Variants in DHRSX observed in about 807,000 individuals in gnomAD.
DHRSX encodes polyprenol dehydrogenase.
Under a neutral mutation model 34.0 loss-of-function variants are expected in DHRSX, and 31 were observed. That is an observed-to-expected ratio of 0.91 (90% CI 0.69 to 1.23). The LOEUF (loss-of-function observed/expected upper bound fraction) is 1.23. DHRSX is among the 50% of genes most tolerant of loss of function. DHRSX has a pLI of 0.00. For missense variants in DHRSX, 414 were observed against 428.1 expected, an observed-to-expected ratio of 0.97 and a Z score of 0.29; for synonymous variants, 201 against 183.8, an observed-to-expected ratio of 1.09 and a Z score of -0.76.
At chrX:2,473,275 C>G (rs149726493) in intron 1 of DHRSX, among the ~76,000 whole-genome samples, 30,914 of 151,492 alleles carry the variant, frequency 0.2, 4,226 homozygotes, top group African/African-American at 0.39. Flanking sequence ...GTGGATGACT[C>G]ATTTGTCACA....
At position 2,358,950 on chromosome X, in the gene DHRSX, G is replaced by GAA. The variant is rs57856874; in HGVS notation, c.286+49793_286+49794dup. On this transcript the variant is annotated intron_variant, in intron 3 of 6. Transcript: ENST00000334651. ...GGCGACAGAGTGAGACTCTGTCTCGGAAAAAAAAAAAAAAAAGACATACAT... is the reference window on the plus strand; with the variant it reads ...GGCGACAGAGTGAGACTCTGTCTCGGAAAAAAAAAAAAAAAAAAGACATACAT... 5.1e-3 allele frequency among the ~76,000 whole-genome samples: 639 copies of GAA among 124,516 alleles called. 9 individuals carry two copies. The highest frequency in any genetic ancestry group is 0.016 in the African/African-American group (547 of 33,474). 81.7% of individuals were successfully genotyped at this position (124,516 alleles called of 152,430 possible). A position where few individuals can be genotyped will look rare whatever the true frequency, so the allele number is the denominator to read the frequency against.
intron 1 of DHRSX, among the ~76,000 whole-genome samples, chrX:2,464,850 C>G (rs1200348202): frequency 6.6e-6 from 1 of 151,934 alleles, no homozygotes; most frequent in Non-Finnish European, 1.5e-5. Context: ...CCACCATGTA[C>G]ACACTGAAGA....
At chrX:2,326,761 C>T (rs2042391205) in intron 3 of DHRSX, among the ~76,000 whole-genome samples, 1 of 151,800 alleles carries the variant, frequency 6.6e-6, no homozygotes, top group East Asian at 1.9e-4. Flanking sequence ...ATTACTTTAG[C>T]GCAGTCAAAG....
chrX:2,269,721 G>T, intron 4 of DHRSX, among the ~76,000 whole-genome samples: 1 of 152,086 alleles, frequency 6.6e-6, no homozygotes, highest in East Asian at 1.9e-4. Context: ...TGTATTTTCA[G>T]TAGAGACGGG....
intron 4 of DHRSX, among the ~76,000 whole-genome samples, chrX:2,276,439 T>A (rs2040048188): frequency 2.0e-5 from 3 of 152,130 alleles, no homozygotes. Flanking sequence ...AAATACAGAA[T>A]AAAACTATCG....
intron 3 of DHRSX, among the ~76,000 whole-genome samples, chrX:2,333,282 T>C (rs1336144451): frequency 6.6e-6 from 1 of 152,244 alleles, no homozygotes; most frequent in Non-Finnish European, 1.5e-5. Context: ...GTGGTGCAGC[T>C]GTACAAACAT....
At chrX:2,425,079 G>T (rs2043825310) in intron 2 of DHRSX, 118 bp downstream of exon 2, 1 of 741,420 alleles carries the variant, frequency 1.3e-6, no homozygotes, top group Non-Finnish European at 2.3e-6. Context: ...GGTGGAGGCT[G>T]CAGTGAGCCA....
chrX:2,368,242 CAAA>C (rs761239560), intron 3 of DHRSX, among the ~76,000 whole-genome samples: 3 of 118,316 alleles, frequency 2.5e-5, no homozygotes, highest in Admixed American at 1.7e-4. Context: ...GACTCTGTCT[CAAA>C]AAAAAAAAAA....
chrX:2,230,716 G>A (rs1250712880), intron 6 of DHRSX, among the ~76,000 whole-genome samples: 1 of 152,178 alleles, frequency 6.6e-6, no homozygotes, highest in Non-Finnish European at 1.5e-5. Flanking sequence ...ACTCCAGACT[G>A]TGACAGGGCA....
chrX:2,223,556 A>G (rs750225046), intron 6 of DHRSX, among the ~76,000 whole-genome samples: 1 of 152,230 alleles, frequency 6.6e-6, no homozygotes, highest in East Asian at 1.9e-4. Flanking sequence ...TGCCCTGGGC[A>G]TCTAAAGACC....
rs1426140810 is a variant in DHRSX, at chrX:2,233,585, TG to T, written c.804+9437del. On this transcript the variant is annotated intron_variant, in intron 6 of 6. Coordinates refer to ENST00000334651, the MANE Select transcript of DHRSX (RefSeq NM_145177.3). ...CAAGCCACTCTTGAGTCCTGGAGAG[TG>T]TTGGAGCTGCAAGCTACAGAAACCA... 4.0e-5 allele frequency among the ~76,000 whole-genome samples: 6 copies of T among 151,584 alleles called. No individual in the cohort carries two copies. The South Asian group carries it at 6.2e-4, about 16-fold the overall frequency.
rs192039554 is a variant in DHRSX at position 2,322,762 on chromosome X, T to C, written c.287-31159A>G. On this transcript the variant is annotated intron_variant, in intron 3 of 6. Coordinates refer to ENST00000334651, the MANE Select transcript of DHRSX (RefSeq NM_145177.3). Reference sequence around the variant, plus strand: ...CAATACATAAAACATACAAAATATATGTTAATCGACTTTATGGTATTGATA... The same window carrying C: ...CAATACATAAAACATACAAAATATACGTTAATCGACTTTATGGTATTGATA... Among the ~76,000 whole-genome samples, 34 of 151,860 alleles carry C rather than the reference T, an allele frequency of 2.2e-4. No homozygotes were observed. In the East Asian group the frequency reaches 4.3e-3, roughly 19 times the overall value.
chrX:2,398,655 G>A (rs11507868), intron 3 of DHRSX, among the ~76,000 whole-genome samples: 4 of 147,062 alleles, frequency 2.7e-5, no homozygotes, highest in Admixed American at 1.4e-4. Flanking sequence ...GCAAAGAAAC[G>A]TTAAATGCAT....
At position 2,500,854 on chromosome X, in the gene DHRSX, C is replaced by G; in HGVS notation, c.72G>C (p.Gln24His). 1 of 1,158,972 alleles carries G rather than the reference C, an allele frequency of 8.6e-7. No individual in the cohort carries two copies. Among genetic ancestry groups the G allele is most frequent in the Non-Finnish European group, 1.1e-6 (1 of 935,504 alleles). 71.8% of individuals were successfully genotyped at this position (1,158,972 alleles called of 1,614,324 possible). A position where few individuals can be genotyped will look rare whatever the true frequency, so the allele number is the denominator to read the frequency against. Residue 24 changes from glutamine (Q) to histidine (H), a missense_variant, in exon 1 of 7, where the codon CAG (glutamine) becomes CAC (histidine). Physicochemically the swap from Gln to His is conservative, Grantham distance 24. Coordinates refer to ENST00000334651, the MANE Select transcript of DHRSX (RefSeq NM_145177.3). ...AGCCCCCGCGGCAGCGCCGCAGCAG[C>G]TGCGCCAGGATCACCGCGGCGCCTA... ...YAVGAAVILA[Q>H]LLRRCRGGFL...
chrX:2,375,295 AATGAGC>A (rs1291429978), intron 3 of DHRSX, among the ~76,000 whole-genome samples: 1 of 137,970 alleles, frequency 7.2e-6, no homozygotes, highest in Non-Finnish European at 1.7e-5. Context: ...TCACACAATG[AATGAGC>A]TTCCGATAAG....
intron 3 of DHRSX, among the ~76,000 whole-genome samples, chrX:2,407,237 G>A (rs7889246): frequency 0.12 from 18,635 of 152,114 alleles, 1,227 homozygotes; most frequent in Middle Eastern, 0.19. Flanking sequence ...TTGGCTGAGC[G>A]ACGGATGAAC....
chrX:2,494,020 T>C (rs2045224122), intron 1 of DHRSX, among the ~76,000 whole-genome samples: 1 of 152,058 alleles, frequency 6.6e-6, no homozygotes, highest in South Asian at 2.1e-4. Flanking sequence ...ATTATTACTA[T>C]TGTTTTTAGG....
chrX:2,311,575 A>C (rs2042165879), intron 3 of DHRSX, among the ~76,000 whole-genome samples: 2 of 152,186 alleles, frequency 1.3e-5, no homozygotes, highest in Non-Finnish European at 2.9e-5. Context: ...CGCGAGGCAA[A>C]GAGCAGATGC....
At chrX:2,359,510 T>A (rs773917167) in intron 3 of DHRSX, among the ~76,000 whole-genome samples, 27 of 152,112 alleles carry the variant, frequency 1.8e-4, no homozygotes, top group African/African-American at 5.1e-4. Context: ...AAACCCCGTC[T>A]CTACTAAAAA....
Sources: gnomAD v4.1 joint callset for allele counts (sites outside exome capture counted in the v4.1 genomes callset) on GRCh38, gnomAD v4.1.1 for gene constraint, MANE v1.5 for transcripts, NCBI Gene and HGNC (gene_info 2026-07-23, HGNC 2026-07-21) for gene names.